The following SUN3 variants were observed in gnomAD, a reference collection of about 807,000 sequenced individuals.
SUN3 encodes SUN domain-containing protein 3.
SUN3 carries 36 observed loss-of-function variants against 48.2 expected under a neutral mutation model. The ratio of observed to expected loss-of-function variants is 0.75; its 90% CI spans 0.57 to 0.99. SUN3 has a LOEUF of 0.99. Among genes scored for constraint, SUN3 ranks in the 50% least tolerant of loss-of-function variants. The pLI is 0.00. For synonymous variants in SUN3, 148 were observed against 147.9 expected, an observed-to-expected ratio of 1.00 and a Z score of 0.00; for missense variants, 419 against 433.1, an observed-to-expected ratio of 0.97 and a Z score of 0.29.
intron 8 of SUN3, among the ~76,000 whole-genome samples, chr7:47,991,307 C>T (rs1789052600): frequency 6.6e-6 from 1 of 152,120 alleles, no homozygotes; most frequent in Admixed American, 6.5e-5. Flanking sequence ...TAAAGGATTC[C>T]TGCCTTTGGG....
At chr7:48,023,584 G>A (rs1438930329) in intron 2 of SUN3, among the ~76,000 whole-genome samples, 4 of 152,146 alleles carry the variant, frequency 2.6e-5, no homozygotes, top group Non-Finnish European at 5.9e-5. Flanking sequence ...TCATTCCTTA[G>A]TAGTAATTAA....
chr7:47,999,931 TTTGAG>T (rs1408896222), intron 6 of SUN3, among the ~76,000 whole-genome samples: 3 of 151,294 alleles, frequency 2.0e-5, no homozygotes, highest in Non-Finnish European at 2.9e-5. Flanking sequence ...TCATAGTTTA[TTTGAG>T]TTAACTTTTT....
At chr7:47,994,718 T>G (rs1390514893) in intron 7 of SUN3, among the ~76,000 whole-genome samples, 1 of 152,226 alleles carries the variant, frequency 6.6e-6, no homozygotes, top group Admixed American at 6.5e-5. Flanking sequence ...TAAGCTGTTA[T>G]AAGGCAGCTA....
At chr7:48,003,114 C>T (rs1789432657) in intron 6 of SUN3, among the ~76,000 whole-genome samples, 1 of 151,922 alleles carries the variant, frequency 6.6e-6, no homozygotes. Flanking sequence ...TGGAAGGGGT[C>T]CAATTTCAGT....
chr7:48,030,481 A>G (rs778315078), upstream of SUN3, among the ~76,000 whole-genome samples: 1 of 152,200 alleles, frequency 6.6e-6, no homozygotes. Flanking sequence ...TATATATGTA[A>G]TATTTTATAG....
chr7:48,009,566 T>G (rs1334584148), intron 3 of SUN3, among the ~76,000 whole-genome samples: 1 of 152,160 alleles, frequency 6.6e-6, no homozygotes, highest in Non-Finnish European at 1.5e-5. Flanking sequence ...AAGAAAGGGA[T>G]GTGATTACTT....
At chr7:48,009,221 G>T in intron 3 of SUN3, 146 bp from the exon 4 acceptor site, 1 of 668,114 alleles carries the variant, frequency 1.5e-6, no homozygotes, top group Non-Finnish European at 2.5e-6. Flanking sequence ...TCCTCTGAGA[G>T]GCCCGCCTCT....
rs146640490 is a variant in SUN3 at position 48,009,055 on chromosome 7, T to G, written c.309A>C (p.Lys103Asn). 8.7e-5 allele frequency: 140 copies of G among 1,612,664 alleles called. No individual in the cohort carries two copies. The African/African-American group carries it at 1.6e-3, about 19-fold the overall frequency. The change falls in exon 4 of 10, where the codon AAA becomes AAC. Residue 103 changes from lysine to asparagine, a missense_variant. By Grantham distance (94) the Lys-to-Asn change is moderately conservative. Transcript: ENST00000297325. ...YKYQARLRMP[K>N]EQLELLKKES... is the part of the protein sequence containing the mutation. ...CTCACTTTAAAAGTTCCAGTTGCTCTTTAGGCATACGAAGTCTGGCCTGAA... is the reference window on the plus strand; with the variant it reads ...CTCACTTTAAAAGTTCCAGTTGCTCGTTAGGCATACGAAGTCTGGCCTGAA...
At chr7:48,014,564 C>T (rs547044934) in intron 3 of SUN3, among the ~76,000 whole-genome samples, 1 of 152,182 alleles carries the variant, frequency 6.6e-6, no homozygotes, top group South Asian at 2.1e-4. Flanking sequence ...TTTGTGTGGT[C>T]ACAGAAGCCT....
chr7:47,990,791 TC>T (rs71552470), intron 8 of SUN3, among the ~76,000 whole-genome samples: 10,224 of 152,042 alleles, frequency 0.067, 393 homozygotes, highest in South Asian at 0.13. Context: ...CAAGATCGTG[TC>T]CTTTGCAGGG....
chr7:48,028,757 G>T, intron 1 of SUN3, 60 bp downstream of exon 1: 1 of 1,586,166 alleles, frequency 6.3e-7, no homozygotes, highest in South Asian at 1.1e-5. Flanking sequence ...AGACACAAGT[G>T]ACAGATGTAA....
Position 48,004,054 on chromosome 7 carries a change from A to G in SUN3, c.577+1915T>C, listed in dbSNP as rs111350249. On this transcript the variant is annotated intron_variant, in intron 6 of 9. Coordinates refer to ENST00000297325, the MANE Select transcript of SUN3 (RefSeq NM_001030019.2). ...TCGTATTTTTCAGTTCTAAAATTCCATCTGGTTCTTTTTATTCTCTTGGCT... is the reference window on the plus strand; with the variant it reads ...TCGTATTTTTCAGTTCTAAAATTCCGTCTGGTTCTTTTTATTCTCTTGGCT... Among the ~76,000 whole-genome samples, 453 of 152,216 alleles carry G rather than the reference A, an allele frequency of 3.0e-3. 7 individuals are homozygous for G. The highest frequency in any genetic ancestry group is 0.01 in the African/African-American group (422 of 41,524).
chr7:48,002,849 A>G (rs1317458670), intron 6 of SUN3, among the ~76,000 whole-genome samples: 1 of 152,096 alleles, frequency 6.6e-6, no homozygotes, highest in Non-Finnish European at 1.5e-5. Context: ...GGCTGAGACT[A>G]TGGGGTTTTC....
intron 4 of SUN3, 47 bp downstream of exon 4, chr7:48,008,988 T>C: frequency 6.3e-7 from 1 of 1,585,556 alleles, no homozygotes; most frequent in Middle Eastern, 1.8e-4. Context: ...CATTTCAGTA[T>C]TTGAAACCAC....
rs950724725 is a variant in SUN3, at chr7:48,028,839, C to T, written c.100G>A (p.Asp34Asn). ...SASGNALLSE[D>N]ENPDANGVTR... ...TACCCATTCGCATCAGGATTTTCGTCCTCTGATAACAAAGCATTGCCACTG... is the reference window on the plus strand; with the variant it reads ...TACCCATTCGCATCAGGATTTTCGTTCTCTGATAACAAAGCATTGCCACTG... Residue 34 changes from aspartate to asparagine, a missense_variant, in exon 1 of 10, where the codon GAC becomes AAC. By Grantham distance (23) the Asp-to-Asn change is conservative. Transcript: ENST00000297325. 2 of 1,613,764 alleles carry T rather than the reference C, an allele frequency of 1.2e-6. No individual in the cohort carries two copies. Among genetic ancestry groups the T allele is most frequent in the African/African-American group, 2.7e-5 (2 of 74,902 alleles).
intron 2 of SUN3, chr7:48,018,745 T>C (rs1789885709): frequency 6.6e-6 from 1 of 152,288 alleles, no homozygotes; most frequent in Admixed American, 6.5e-5. Flanking sequence ...TACATTATAA[T>C]ATTAAAATGC....
intron 3 of SUN3, among the ~76,000 whole-genome samples, chr7:48,009,855 G>A (rs1479348600): frequency 1.3e-5 from 2 of 152,136 alleles, no homozygotes; most frequent in African/African-American, 4.8e-5. Flanking sequence ...TGTGCTGCCT[G>A]TTCCTCACCT....
At chr7:47,989,366 T>C (rs1266173178) in intron 8 of SUN3, among the ~76,000 whole-genome samples, 1 of 152,216 alleles carries the variant, frequency 6.6e-6, no homozygotes, top group East Asian at 1.9e-4. Context: ...ACAAATAATT[T>C]CCTCTGAAAA....
At chr7:48,007,762 A>C (rs1249234699) in intron 4 of SUN3, among the ~76,000 whole-genome samples, 3 of 151,608 alleles carry the variant, frequency 2.0e-5, no homozygotes, top group African/African-American at 7.3e-5. Flanking sequence ...GGATCCAGCC[A>C]GTGGGCAGTG....
Sources: gnomAD v4.1 joint callset for allele counts (sites outside exome capture counted in the v4.1 genomes callset) on GRCh38, gnomAD v4.1.1 for gene constraint, MANE v1.5 for transcripts, NCBI Gene and HGNC (gene_info 2026-07-23, HGNC 2026-07-21) for gene names.